CFAP20DC: variants seen among roughly 807,000 people sequenced by gnomAD.
CFAP20DC encodes CFAP20 domain containing.
In CFAP20DC, 84 loss-of-function variants were observed where a neutral mutation model predicts 101.7. That is an observed-to-expected ratio of 0.83 (90% CI 0.69 to 0.99). The LOEUF (loss-of-function observed/expected upper bound fraction) is 0.99. Among genes scored for constraint, CFAP20DC ranks in the 50% least tolerant of loss-of-function variants. The probability of loss-of-function intolerance (pLI) is 0.00; values close to 1 mark genes in which losing one functional copy is unlikely to be tolerated. For missense variants in CFAP20DC, 1,007 were observed against 970.3 expected (o/e 1.04, Z -0.50); for synonymous variants, 359 against 351.2 (o/e 1.02, Z -0.25).
Position 58,781,949 on chromosome 3 carries a change from A to C in CFAP20DC, c.2237+24446T>G, listed in dbSNP as rs547264192. On this transcript the variant is annotated intron_variant, in intron 15 of 16. Coordinates refer to ENST00000482387, the MANE Select transcript of CFAP20DC (RefSeq NM_001394063.1). ...CTATGAGACCAGCATCACCATACCA[A>C]AATCAGACAATGACACAACAAAGAT... Among the ~76,000 whole-genome samples, 6 of 152,174 alleles carry C rather than the reference A, an allele frequency of 3.9e-5. No individual in the cohort carries two copies. In the East Asian group the frequency reaches 9.6e-4, roughly 24 times the overall value.
intron 4 of CFAP20DC, among the ~76,000 whole-genome samples, chr3:59,035,332 TAACTA>T (rs2094077348): frequency 6.6e-6 from 1 of 151,736 alleles, no homozygotes; most frequent in African/African-American, 2.4e-5. Flanking sequence ...AGGCAAGAAA[TAACTA>T]AGATCAGAGC....
chr3:58,806,850 G>A (rs2074110380), intron 14 of CFAP20DC, among the ~76,000 whole-genome samples: 1 of 152,160 alleles, frequency 6.6e-6, no homozygotes, highest in Non-Finnish European at 1.5e-5. Context: ...CTGGAAAATC[G>A]GGTCACTCCC....
chr3:58,811,285 C>G (rs540261895), intron 14 of CFAP20DC, among the ~76,000 whole-genome samples: 3 of 152,150 alleles, frequency 2.0e-5, no homozygotes, highest in Non-Finnish European at 4.4e-5. Flanking sequence ...GGAGGCATCA[C>G]GTTACCTGAC....
At chr3:58,873,775 T>G (rs920094958) in intron 7 of CFAP20DC, among the ~76,000 whole-genome samples, 1 of 152,010 alleles carries the variant, frequency 6.6e-6, no homozygotes, top group African/African-American at 2.4e-5. Context: ...CTGTTCTAGA[T>G]GTTGTCAGGC....
intron 14 of CFAP20DC, among the ~76,000 whole-genome samples, chr3:58,820,600 C>G (rs913525222): frequency 2.6e-5 from 4 of 152,008 alleles, no homozygotes; most frequent in African/African-American, 9.7e-5. Context: ...TGTGAAGGAC[C>G]TCTTCAGGGA....
chr3:58,820,795 T>G (rs1484697563), intron 14 of CFAP20DC, among the ~76,000 whole-genome samples: 2 of 147,022 alleles, frequency 1.4e-5, no homozygotes, highest in Non-Finnish European at 3.0e-5. Flanking sequence ...AAAAACTACT[T>G]TAAAGTTCAT....
intron 5 of CFAP20DC, among the ~76,000 whole-genome samples, chr3:58,932,100 C>G (rs546918640): frequency 6.6e-6 from 1 of 152,166 alleles, no homozygotes; most frequent in Non-Finnish European, 1.5e-5. Context: ...AGGTGAAAGC[C>G]AAGGCTTGAG....
intron 12 of CFAP20DC, among the ~76,000 whole-genome samples, chr3:58,851,677 A>C (rs997648703): frequency 1.3e-5 from 2 of 152,166 alleles, no homozygotes; most frequent in Non-Finnish European, 2.9e-5. Context: ...CATTTAGTCC[A>C]TCCCTAAGAA....
intron 15 of CFAP20DC, among the ~76,000 whole-genome samples, chr3:58,793,479 G>A (rs1255139800): frequency 6.6e-6 from 1 of 152,084 alleles, no homozygotes; most frequent in Non-Finnish European, 1.5e-5. Context: ...TGAATTAGTA[G>A]TATTTCCAAA....
intron 7 of CFAP20DC, among the ~76,000 whole-genome samples, chr3:58,878,391 T>C (rs1262141251): frequency 6.6e-6 from 1 of 152,184 alleles, no homozygotes; most frequent in Non-Finnish European, 1.5e-5. Flanking sequence ...AAAGTTAGGA[T>C]ATTTAGACAA....
chr3:59,047,996 C>T (rs1699997638), intron 1 of CFAP20DC, among the ~76,000 whole-genome samples: 1 of 152,128 alleles, frequency 6.6e-6, no homozygotes, highest in Non-Finnish European at 1.5e-5. Context: ...TCTATAAAAT[C>T]TGTATAAGAG....
intron 3 of CFAP20DC, among the ~76,000 whole-genome samples, chr3:58,736,753 A>G (rs1002096318): frequency 2.0e-5 from 3 of 152,230 alleles, no homozygotes; most frequent in Admixed American, 6.5e-5. Context: ...ATTGACAATG[A>G]TAAGTTGGGC....
Position 58,742,217 on chromosome 3 carries a change from C to A in CFAP20DC, c.*243G>T, listed in dbSNP as rs80100250. On this transcript the variant is annotated 3_prime_UTR_variant, in exon 17 of 17. Transcript: ENST00000482387. ...TATGTAGAATGAGAACAAACAAGAACCAATTCAAACTCCTAAAATCTTGCC... is the reference window on the plus strand; with the variant it reads ...TATGTAGAATGAGAACAAACAAGAAACAATTCAAACTCCTAAAATCTTGCC... 0.041 allele frequency: 42,194 copies of A among 1,029,076 alleles called. 1,983 individuals are homozygous for A. The highest frequency in any genetic ancestry group is 0.36 in the East Asian group (6,172 of 17,064). The allele number at this position is 1,029,076 out of a possible 1,614,324, so 63.7% of individuals were successfully genotyped here.
intron 4 of CFAP20DC, among the ~76,000 whole-genome samples, chr3:58,984,012 G>A (rs1419829814): frequency 6.6e-6 from 1 of 152,248 alleles, no homozygotes; most frequent in East Asian, 1.9e-4. Context: ...GTTAAGTTGG[G>A]CTATTTCTGA....
chr3:59,016,935 G>A (rs951478426), intron 4 of CFAP20DC, among the ~76,000 whole-genome samples: 10 of 152,082 alleles, frequency 6.6e-5, no homozygotes, highest in Admixed American at 1.3e-4. Context: ...GAGAAACACA[G>A]GCTAATGATG....
intron 14 of CFAP20DC, among the ~76,000 whole-genome samples, chr3:58,821,597 A>C (rs1434781240): frequency 6.7e-6 from 1 of 149,720 alleles, no homozygotes; most frequent in East Asian, 2.0e-4. Flanking sequence ...ACTATGAGAT[A>C]CCATCTCACA....
At chr3:59,025,185 G>C (rs1392619904) in intron 4 of CFAP20DC, among the ~76,000 whole-genome samples, 2 of 152,156 alleles carry the variant, frequency 1.3e-5, no homozygotes, top group African/African-American at 4.8e-5. Context: ...ACTTCTTGCA[G>C]TTGTCTTTTA....
chr3:58,981,373 A>C (rs1185239370), intron 4 of CFAP20DC, among the ~76,000 whole-genome samples: 2 of 152,082 alleles, frequency 1.3e-5, no homozygotes, highest in African/African-American at 4.8e-5. Flanking sequence ...GTTCATATGG[A>C]ACCAAAAAAG....
chr3:58,723,994 C>T (rs777529861), intron 3 of CFAP20DC, among the ~76,000 whole-genome samples: 33 of 152,192 alleles, frequency 2.2e-4, no homozygotes, highest in Non-Finnish European at 4.1e-4. Flanking sequence ...GGATAGAGGA[C>T]AAACATTCAT....
Sources: gnomAD v4.1 joint callset for allele counts (sites outside exome capture counted in the v4.1 genomes callset) on GRCh38, gnomAD v4.1.1 for gene constraint, MANE v1.5 for transcripts, NCBI Gene and HGNC (gene_info 2026-07-23, HGNC 2026-07-21) for gene names.